CFAP299: variants seen among roughly 807,000 people sequenced by gnomAD.
CFAP299 encodes cilia and flagella associated protein 299.
Under a neutral mutation model 27.0 loss-of-function variants are expected in CFAP299, and 21 were observed. That is an observed-to-expected ratio of 0.78 (90% confidence interval 0.55 to 1.12). CFAP299 has a LOEUF of 1.12. CFAP299 is among the 50% of genes most tolerant of loss of function. CFAP299 has a pLI of 0.00. For missense variants in CFAP299, 310 were observed against 276.6 expected (o/e 1.12, Z -0.86); for synonymous variants, 104 against 98.1 (o/e 1.06, Z -0.36).
At chr4:80,896,842 C>T (rs1734632966) in intron 4 of CFAP299, among the ~76,000 whole-genome samples, 1 of 151,918 alleles carries the variant, frequency 6.6e-6, no homozygotes, top group Non-Finnish European at 1.5e-5. Flanking sequence ...AATGTATCTG[C>T]ATTAAGGTGT....
chr4:80,721,258 A>G (rs1257536376), intron 3 of CFAP299, among the ~76,000 whole-genome samples: 1 of 152,242 alleles, frequency 6.6e-6, no homozygotes, highest in Non-Finnish European at 1.5e-5. Context: ...AGAAACACAA[A>G]GAAAGTTACA....
In CFAP299 at chr4:80,813,241, T is replaced by C. The variant is rs550383738; in HGVS notation, c.334-56752T>C. On this transcript the variant is annotated intron_variant, in intron 3 of 5. Transcript: ENST00000358105. ...AGAAAATAGTTTATATTATCAAAGT[T>C]TAGAATGTCATTAAATGTATAAGAA... 2.0e-5 allele frequency among the ~76,000 whole-genome samples: 3 copies of C among 152,132 alleles called. No individual in the cohort carries two copies. The East Asian group carries it at 5.8e-4, about 29-fold the overall frequency.
intron 2 of CFAP299, among the ~76,000 whole-genome samples, chr4:80,559,871 T>G (rs1734954824): frequency 1.3e-5 from 2 of 152,154 alleles, no homozygotes; most frequent in African/African-American, 4.8e-5. Context: ...ACTCTGTGTC[T>G]CCAAGTAAAC....
At chr4:80,665,955 T>C (rs1449786426) in intron 3 of CFAP299, among the ~76,000 whole-genome samples, 1 of 152,086 alleles carries the variant, frequency 6.6e-6, no homozygotes, top group Non-Finnish European at 1.5e-5. Context: ...GATTGGAAGT[T>C]TCCTGAAGCC....
At chr4:80,891,151 A>G (rs1734253053) in intron 4 of CFAP299, among the ~76,000 whole-genome samples, 1 of 148,954 alleles carries the variant, frequency 6.7e-6, no homozygotes, top group Admixed American at 6.7e-5. Flanking sequence ...TATGTCCTGA[A>G]TGGTAATGCC....
intron 2 of CFAP299, among the ~76,000 whole-genome samples, chr4:80,561,473 G>A (rs1735032083): frequency 6.6e-6 from 1 of 151,940 alleles, no homozygotes. Flanking sequence ...AACTAAATAA[G>A]GTATTGGACA....
intron 2 of CFAP299, among the ~76,000 whole-genome samples, chr4:80,446,916 T>G (rs1728642629): frequency 6.6e-6 from 1 of 152,132 alleles, no homozygotes; most frequent in Non-Finnish European, 1.5e-5. Flanking sequence ...TGCAAAGGGT[T>G]TTGCAATTCA....
At chr4:80,445,346 A>G (rs1728571640) in intron 2 of CFAP299, among the ~76,000 whole-genome samples, 1 of 152,238 alleles carries the variant, frequency 6.6e-6, no homozygotes, top group African/African-American at 2.4e-5. Flanking sequence ...ATGCAGCCAT[A>G]AAAAAGAATG....
chr4:80,473,105 ATACAATAT>A (rs1196466674), intron 2 of CFAP299, among the ~76,000 whole-genome samples: 6 of 152,130 alleles, frequency 3.9e-5, no homozygotes. Context: ...GATCATTACA[ATACAATAT>A]TACATAAATA....
intron 2 of CFAP299, among the ~76,000 whole-genome samples, chr4:80,415,766 G>A (rs1033629040): frequency 1.3e-5 from 2 of 152,156 alleles, no homozygotes; most frequent in African/African-American, 4.8e-5. Flanking sequence ...TTGTGAGGAT[G>A]TGTTATATTA....
chr4:80,382,820 G>A (rs1046019842), intron 2 of CFAP299, among the ~76,000 whole-genome samples: 22 of 151,916 alleles, frequency 1.4e-4, no homozygotes, highest in African/African-American at 4.4e-4. Flanking sequence ...ATCCCATTAC[G>A]GGTTTATATT....
chr4:80,600,834 T>C (rs529241688), intron 3 of CFAP299, among the ~76,000 whole-genome samples: 23 of 152,150 alleles, frequency 1.5e-4, no homozygotes, highest in Non-Finnish European at 2.6e-4. Flanking sequence ...TTTAAATTCA[T>C]AGTTGAATTC....
intron 3 of CFAP299, among the ~76,000 whole-genome samples, chr4:80,776,202 A>G (rs557774912): frequency 1.3e-5 from 2 of 152,244 alleles, no homozygotes; most frequent in East Asian, 1.9e-4. Flanking sequence ...CAAGTATATC[A>G]TGCTAATTTG....
upstream of CFAP299, among the ~76,000 whole-genome samples, chr4:80,332,002 G>A (rs111687451): frequency 1.3e-5 from 2 of 152,104 alleles, no homozygotes; most frequent in Admixed American, 6.6e-5. Flanking sequence ...GAAAACCAAC[G>A]AACCAACCAA....
chr4:80,396,745 G>T (rs1056992922), intron 2 of CFAP299, among the ~76,000 whole-genome samples: 1 of 152,146 alleles, frequency 6.6e-6, no homozygotes. Flanking sequence ...GATCATGGTG[G>T]ATAAGCTTTT....
chr4:80,682,674 A>G (rs750482438), intron 3 of CFAP299, among the ~76,000 whole-genome samples: 25 of 152,120 alleles, frequency 1.6e-4, no homozygotes, highest in Non-Finnish European at 3.4e-4. Flanking sequence ...TCACATTTTT[A>G]CTGCTTAGGT....
At chr4:80,491,592 T>A (rs7660815) in intron 2 of CFAP299, among the ~76,000 whole-genome samples, 58,447 of 151,906 alleles carry the variant, frequency 0.38, 14,602 homozygotes, top group African/African-American at 0.71. Flanking sequence ...ACCAAATGGT[T>A]TAGGTTAATG....
At chr4:80,799,857 A>T (rs1728264782) in intron 3 of CFAP299, among the ~76,000 whole-genome samples, 2 of 31,322 alleles carry the variant, frequency 6.4e-5, no homozygotes, top group Admixed American at 6.2e-4. Context: ...TAATATATAA[A>T]TATATATTAT....
chr4:80,364,470 G>T (rs1000570889), intron 2 of CFAP299, among the ~76,000 whole-genome samples: 2 of 152,124 alleles, frequency 1.3e-5, no homozygotes, highest in African/African-American at 4.8e-5. Flanking sequence ...TCTGGTCCAA[G>T]AAATATCTCT....
Sources: gnomAD v4.1 joint callset for allele counts (sites outside exome capture counted in the v4.1 genomes callset) on GRCh38, gnomAD v4.1.1 for gene constraint, MANE v1.5 for transcripts, NCBI Gene and HGNC (gene_info 2026-07-23, HGNC 2026-07-21) for gene names.